PRAMEF27: variants seen among roughly 807,000 people sequenced by gnomAD.
The protein encoded by PRAMEF27 is PRAME family member 27.
PRAMEF27 carries 5 observed loss-of-function variants against 21.0 expected under a neutral mutation model. The ratio of observed to expected loss-of-function variants is 0.24; its 90% CI spans 0.12 to 0.50. PRAMEF27 has a LOEUF of 0.50. Among genes scored for constraint, PRAMEF27 ranks in the 20% least tolerant of loss-of-function variants. The pLI is 0.98. For missense variants in PRAMEF27, 138 were observed against 541.4 expected, an observed-to-expected ratio of 0.25 and a Z score of 7.39; for synonymous variants, 61 against 211.2, an observed-to-expected ratio of 0.29 and a Z score of 6.17.
intron 1 of PRAMEF27, 200 bp from the exon 2 acceptor site, chr1:13,053,875 G>C (rs1453934543): frequency 8.1e-6 from 6 of 737,632 alleles, no homozygotes; most frequent in Middle Eastern, 4.2e-4. Flanking sequence ...GAAGCAGTGA[G>C]GAAGCAGGGT....
At position 13,056,430 on chromosome 1, in the gene PRAMEF27, T is replaced by C. The variant is rs1434448367; in HGVS notation, c.-33A>G. 3.9e-5 allele frequency: 5 copies of C among 128,784 alleles called. No individual in the cohort carries two copies. Among genetic ancestry groups the C allele is most frequent in the African/African-American group, 1.7e-4 (4 of 23,740 alleles). The allele number at this position is 128,784 out of a possible 1,614,324, so 8.0% of individuals were successfully genotyped here. The stretch of plus-strand genomic sequence containing the variant: ...GTGACTTACCAGATCTGGATGTAGT[T>C]TAGAAGGTGCTCAGACCTCAGGAAG... On this transcript the variant is annotated 5_prime_UTR_variant, in exon 1 of 4. Transcript: ENST00000436041.
intron 1 of PRAMEF27, chr1:13,056,087 G>C (rs1381890515): frequency 8.5e-6 from 1 of 117,384 alleles, no homozygotes; most frequent in Non-Finnish European, 1.6e-5. Flanking sequence ...GTAGAGGAGG[G>C]TTTTTGTCAT....
Position 13,049,983 on chromosome 1 carries a change from C to T in PRAMEF27, c.1262G>A (p.Ser421Asn). The change falls in exon 4 of 4, where the codon AGT becomes AAT. Residue 421 changes from serine to asparagine, a missense_variant. By Grantham distance (46) the Ser-to-Asn change is conservative. Transcript: ENST00000436041. ...CVEVYPAPRE[S>N]YGADGTLCWN... ...GCAGAGAGTACCATCAGCACCATAA[C>T]TCTCCCGCGGGGCAGGATACACCTC... 1 of 1,433,978 alleles carries T rather than the reference C, an allele frequency of 7.0e-7. No individual in the cohort carries two copies. Among genetic ancestry groups the T allele is most frequent in the Non-Finnish European group, 9.2e-7 (1 of 1,087,798 alleles). 88.8% of individuals were successfully genotyped at this position (1,433,978 alleles called of 1,614,324 possible).
chr1:13,053,936 T>C lies in PRAMEF27; in HGVS notation c.-16-261A>G, dbSNP rs1642231196. 4 of 487,010 alleles carry C rather than the reference T, an allele frequency of 8.2e-6. No homozygotes were observed. In the East Asian group the frequency reaches 1.1e-4, roughly 14 times the overall value. 30.2% of individuals were successfully genotyped at this position (487,010 alleles called of 1,614,324 possible). A position where few individuals can be genotyped will look rare whatever the true frequency, so the allele number is the denominator to read the frequency against. On this transcript the variant is annotated intron_variant, in intron 1 of 3. Transcript: ENST00000436041. ...AGTGCTCCATCCAGTGACTAGTGAG[T>C]GTGGAGGAACCTGAAAGTGAACCCC... is the stretch of plus-strand genomic sequence containing the variant.
intron 1 of PRAMEF27, 106 bp from the exon 2 acceptor site, chr1:13,053,781 C>G: frequency 7.2e-7 from 1 of 1,388,576 alleles, no homozygotes. Flanking sequence ...GGTGAAACAG[C>G]CCTCAGTTTA....
chr1:13,055,505 A>G (rs1642237313), intron 1 of PRAMEF27: 2 of 112,166 alleles, frequency 1.8e-5, no homozygotes, highest in Non-Finnish European at 1.7e-5. Flanking sequence ...GATTCAAGCA[A>G]TTCGCATGCT....
At position 13,050,119 on chromosome 1, in the gene PRAMEF27, GGGCAGGCAGGAT is replaced by G. The variant is rs2100232601; in HGVS notation, c.1114_1125del (p.Ile372_Ala375del). The G allele has an allele frequency of 7.1e-7, 1 of 1,412,516 alleles. No homozygotes were observed. Among genetic ancestry groups the G allele is most frequent in the East Asian group, 2.4e-5 (1 of 42,044 alleles). 87.5% of individuals were successfully genotyped at this position (1,412,516 alleles called of 1,614,324 possible). On this transcript the variant is annotated inframe_deletion, in exon 4 of 4. Coordinates refer to ENST00000436041, the MANE Select transcript of PRAMEF27 (RefSeq NM_001300891.2). Reference sequence around the variant, plus strand: ...GCATTGAGCTCAAAGCAGCGGCTCAGGGCAGGCAGGATGGCGTTGACTTGGGAGTCTATGATG... The same window carrying G: ...GCATTGAGCTCAAAGCAGCGGCTCAGGGCGTTGACTTGGGAGTCTATGATG...
intron 1 of PRAMEF27, 87 bp from the exon 2 acceptor site, chr1:13,053,762 T>G: frequency 6.8e-7 from 1 of 1,469,962 alleles, no homozygotes; most frequent in Non-Finnish European, 8.9e-7. Context: ...AACTCACTGC[T>G]CTGGCAATGG....
chr1:13,055,378 A>T (rs1271835339), intron 1 of PRAMEF27: 3 of 68,524 alleles, frequency 4.4e-5, no homozygotes, highest in African/African-American at 1.9e-4. Context: ...GTATCCGATG[A>T]TCACCTGGGT....
At position 13,053,524 on chromosome 1, in the gene PRAMEF27, A is replaced by T; in HGVS notation, c.136T>A (p.Phe46Ile). Residue 46 changes from phenylalanine (F) to isoleucine (I), a missense_variant, in exon 2 of 4, where the codon TTC becomes ATC. Physicochemically the swap from Phe to Ile is conservative, Grantham distance 21. Transcript: ENST00000436041. The part of the protein sequence containing the change: ...ELFPPLFMEA[F>I]SRRCCEALKL... ...AGGGCCTCACAGCATCTCCTGCTGAAGGCCTCCATGAACAGTGGGGGGAAA... is the reference window on the plus strand; with the variant it reads ...AGGGCCTCACAGCATCTCCTGCTGATGGCCTCCATGAACAGTGGGGGGAAA... The T allele has an allele frequency of 6.7e-7, 1 of 1,491,192 alleles. No individual in the cohort carries two copies. The highest frequency in any genetic ancestry group is 2.4e-5 in the East Asian group (1 of 41,050). The allele number at this position is 1,491,192 out of a possible 1,614,324, so 92.4% of individuals were successfully genotyped here.
Position 13,053,673 on chromosome 1 carries a change from A to G in PRAMEF27, c.-14T>C. ...GCTCATCTTCATGAATCTGCAGGGAAAACTTCCAGAGGACAAACCCAGAGA... is the reference window on the plus strand; with the variant it reads ...GCTCATCTTCATGAATCTGCAGGGAGAACTTCCAGAGGACAAACCCAGAGA... On this transcript the variant is annotated splice_region_variant and 5_prime_UTR_variant, in exon 2 of 4. Coordinates refer to ENST00000436041, the MANE Select transcript of PRAMEF27 (RefSeq NM_001300891.2). The G allele has an allele frequency of 6.3e-7, 1 of 1,593,614 alleles. No homozygotes were observed. Among genetic ancestry groups the G allele is most frequent in the Non-Finnish European group, 8.5e-7 (1 of 1,178,628 alleles).
In PRAMEF27 at chr1:13,053,374, A is replaced by C; in HGVS notation, c.286T>G (p.Cys96Gly). The C allele has an allele frequency of 1.4e-5, 20 of 1,440,218 alleles. 2 individuals are homozygous for C. Among genetic ancestry groups the C allele is most frequent in the Non-Finnish European group, 1.5e-5 (16 of 1,094,574 alleles). The allele number at this position is 1,440,218 out of a possible 1,614,324, so 89.2% of individuals were successfully genotyped here. The change falls in exon 2 of 4, where the codon TGT (cysteine) becomes GGT (glycine). Residue 96 changes from cysteine (C) to glycine (G), a missense_variant. Coordinates refer to ENST00000436041, the MANE Select transcript of PRAMEF27 (RefSeq NM_001300891.2). ...CCACCTGGGCCACCTCACCTGGGAC[A>C]AACCCCTTGGGTAAGCAGTGCATCA... Reference protein sequence around the residue: ...GLDALLTQGVCPRRWKLQVLD... With the variant: ...GLDALLTQGVGPRRWKLQVLD...
At chr1:13,051,941 G>A in intron 3 of PRAMEF27, 177 bp downstream of exon 3, 1 of 665,216 alleles carries the variant, frequency 1.5e-6, no homozygotes, top group Non-Finnish European at 2.3e-6. Flanking sequence ...TGCCTCTATT[G>A]GGATGGTTGC....
intron 1 of PRAMEF27, 144 bp from the exon 2 acceptor site, chr1:13,053,819 C>T: frequency 8.7e-7 from 1 of 1,151,662 alleles, no homozygotes; most frequent in Non-Finnish European, 1.2e-6. Flanking sequence ...ACTCAGTGGC[C>T]ATTAAGCCAG....
At chr1:13,055,527 C>T (rs1489214021) in intron 1 of PRAMEF27, 6 of 136,708 alleles carry the variant, frequency 4.4e-5, no homozygotes, top group South Asian at 5.1e-4. Flanking sequence ...CAGCCTTCCA[C>T]GTAGCTGGGA....
At chr1:13,055,508 C>A (rs1388591268) in intron 1 of PRAMEF27, 4 of 118,330 alleles carry the variant, frequency 3.4e-5, no homozygotes, top group Non-Finnish European at 5.0e-5. Flanking sequence ...TCAAGCAATT[C>A]GCATGCTTCA....
At position 13,053,564 on chromosome 1, in the gene PRAMEF27, C is replaced by T. The variant is rs1642226374; in HGVS notation, c.96G>A (p.Glu32=). The part of the protein sequence containing the change: ...DQALAMSTLE[E]LPTELFPPLF... ...GTGGGGGGAAAAGTTCTGTGGGCAG[C>T]TCCTCCAGGGTGGACATGGCCAAGG... is the stretch of plus-strand genomic sequence containing the variant. Residue 32 remains glutamate (E), a synonymous_variant, in exon 2 of 4, where the codon GAG becomes GAA. Coordinates refer to ENST00000436041, the MANE Select transcript of PRAMEF27 (RefSeq NM_001300891.2). The T allele has an allele frequency of 1.3e-5, 20 of 1,581,732 alleles. No homozygotes were observed. Among genetic ancestry groups the T allele is most frequent in the Non-Finnish European group, 1.7e-5 (20 of 1,175,918 alleles).
Position 13,049,975 on chromosome 1 carries a change from C to T in PRAMEF27, c.1270G>A (p.Ala424Thr). Residue 424 changes from alanine to threonine, a missense_variant, in exon 4 of 4, where the codon GCT (alanine) becomes ACT (threonine). Physicochemically the swap from Ala to Thr is moderately conservative, Grantham distance 58. Transcript: ENST00000436041. ...VYPAPRESYGADGTLCWNRFA... is the reference protein window; with the variant it reads ...VYPAPRESYGTDGTLCWNRFA... ...CTGTTCCAGCAGAGAGTACCATCAG[C>T]ACCATAACTCTCCCGCGGGGCAGGA... 1 of 1,432,880 alleles carries T rather than the reference C, an allele frequency of 7.0e-7. No individual in the cohort carries two copies. Among genetic ancestry groups the T allele is most frequent in the Non-Finnish European group, 9.2e-7 (1 of 1,087,402 alleles). The allele number at this position is 1,432,880 out of a possible 1,614,324, so 88.8% of individuals were successfully genotyped here.
rs1353609996 is a variant in PRAMEF27, at chr1:13,056,513, GC to G, written c.-117del. ...GGGTCTCTCCTGTGGGTCTTTAGAA[GC>G]TTTTATTGACCTTTCTAATCACAAC... On this transcript the variant is annotated 5_prime_UTR_variant, in exon 1 of 4. Coordinates refer to ENST00000436041, the MANE Select transcript of PRAMEF27 (RefSeq NM_001300891.2). 3.9e-5 allele frequency: 5 copies of G among 127,420 alleles called. No homozygotes were observed. The highest frequency in any genetic ancestry group is 6.1e-5 in the Non-Finnish European group (4 of 65,046). The allele number at this position is 127,420 out of a possible 1,614,324, so 7.9% of individuals were successfully genotyped here.
Sources: gnomAD v4.1 joint callset for allele counts on GRCh38, gnomAD v4.1.1 for gene constraint, MANE v1.5 for transcripts, NCBI Gene and HGNC (gene_info 2026-07-23, HGNC 2026-07-21) for gene names.